TTLL8: variants seen among roughly 807,000 people sequenced by gnomAD.
TTLL8 encodes tubulin tyrosine ligase like 8, also known as protein monoglycylase TTLL8.
A neutral mutation model predicts 77.8 loss-of-function variants in TTLL8; 65 were observed. The ratio of observed to expected loss-of-function variants is 0.84; its 90% confidence interval spans 0.68 to 1.03. The LOEUF is 1.03. Among genes scored for constraint, TTLL8 ranks in the 50% least tolerant of loss-of-function variants. TTLL8 has a pLI of 0.00. For synonymous variants in TTLL8, 402 were observed against 422.8 expected, an observed-to-expected ratio of 0.95 and a Z score of 0.60; for missense variants, 910 against 1,004.5, an observed-to-expected ratio of 0.91 and a Z score of 1.27.
At chr22:50,040,254 T>C (rs934703768) in intron 8 of TTLL8, among the ~76,000 whole-genome samples, 6 of 141,870 alleles carry the variant, frequency 4.2e-5, no homozygotes, top group African/African-American at 1.3e-4. Context: ...GCAGACCTCA[T>C]GGATCCCACA....
In TTLL8 at chr22:50,030,406, C is replaced by T. The variant is rs752737805; in HGVS notation, c.2203+24G>A. ...CAGCAGGCGGCCCCCAAGCCCACAGCGCACCGCCGGCGGCGCAGGTTACCT... is the reference window on the plus strand; with the variant it reads ...CAGCAGGCGGCCCCCAAGCCCACAGTGCACCGCCGGCGGCGCAGGTTACCT... On this transcript the variant is annotated intron_variant, in intron 12 of 13. Transcript: ENST00000266182. The T allele has an allele frequency of 5.4e-6, 7 of 1,297,394 alleles. No homozygotes were observed. In the African/African-American group the frequency reaches 7.7e-5, roughly 14 times the overall value. The allele number at this position is 1,297,394 out of a possible 1,614,324, so 80.4% of individuals were successfully genotyped here.
chr22:50,020,349 C>CACA (rs2061187519), intron 12 of TTLL8, among the ~76,000 whole-genome samples: 1 of 144,646 alleles, frequency 6.9e-6, no homozygotes, highest in African/African-American at 2.6e-5. Context: ...ATCTAACGTG[C>CACA]CCTCCTCCAT....
In TTLL8 at chr22:50,046,026, G is replaced by A. The variant is rs548787326; in HGVS notation, c.394-56C>T. ...GGGCAGCTCAGCTCAGCTCTGCCTCGCTCACAAGGCGAGGACGGGCCGTCC... is the reference window on the plus strand; with the variant it reads ...GGGCAGCTCAGCTCAGCTCTGCCTCACTCACAAGGCGAGGACGGGCCGTCC... On this transcript the variant is annotated intron_variant, in intron 4 of 13. Coordinates refer to ENST00000266182, the Ensembl canonical transcript of TTLL8. The A allele has an allele frequency of 1.9e-5, 24 of 1,294,598 alleles. 1 individual carries two copies. The highest frequency in any genetic ancestry group is 1.4e-4 in the South Asian group (11 of 81,124). 80.2% of individuals were successfully genotyped at this position (1,294,598 alleles called of 1,614,324 possible).
At chr22:50,045,532 A>G (rs2146684223) in intron 5 of TTLL8, 143 bp from the exon 8 acceptor site, 1 of 710,902 alleles carries the variant, frequency 1.4e-6, no homozygotes, top group South Asian at 1.6e-5. Flanking sequence ...CCACACCCCC[A>G]GTCTGCCTGC....
chr22:50,047,391 G>A (rs542835400), intron 3 of TTLL8, 95 bp from the exon 6 acceptor site: 21 of 1,084,052 alleles, frequency 1.9e-5, no homozygotes, highest in South Asian at 1.2e-4. Context: ...GACAAATGGC[G>A]TGCAGCGTGA....
intron 3 of TTLL8, among the ~76,000 whole-genome samples, chr22:50,048,761 T>C (rs1384305607): frequency 6.6e-6 from 1 of 152,264 alleles, no homozygotes; most frequent in Non-Finnish European, 1.5e-5. Context: ...TTTTAAGTAC[T>C]GCAAATGCCG....
intron 12 of TTLL8, among the ~76,000 whole-genome samples, chr22:50,025,948 A>G (rs2061227594): frequency 6.6e-6 from 1 of 152,210 alleles, no homozygotes; most frequent in South Asian, 2.1e-4. Flanking sequence ...GCAAAACGCC[A>G]CAACCATATT....
At chr22:50,027,652 C>T (rs563492483) in intron 12 of TTLL8, 3 of 985,454 alleles carry the variant, frequency 3.0e-6, no homozygotes, top group Admixed American at 6.1e-5. Flanking sequence ...GGCCAGCACG[C>T]ACTTCCTGTC....
At chr22:50,028,477 C>T (rs374184215) in intron 12 of TTLL8, among the ~76,000 whole-genome samples, 2 of 152,172 alleles carry the variant, frequency 1.3e-5, no homozygotes, top group Non-Finnish European at 2.9e-5. Flanking sequence ...GGAGGAACTT[C>T]GCCTCCCGTG....
rs564370528 is a variant in TTLL8 at position 50,053,959 on chromosome 22, G to A, written c.51+617C>T. 6.0e-5 allele frequency among the ~76,000 whole-genome samples: 9 copies of A among 149,974 alleles called. 1 individual carries two copies. Among genetic ancestry groups the A allele is most frequent in the Middle Eastern group, 3.4e-3 (1 of 290 alleles). The stretch of plus-strand genomic sequence containing the variant: ...CATATTTGTACACGTTCTGCTCTCC[G>A]TCCGGGTGTGTCCGGCCTTAACATC... On this transcript the variant is annotated intron_variant, in intron 1 of 13. Transcript: ENST00000266182.
intron 3 of TTLL8, 157 bp downstream of exon 5, chr22:50,049,092 C>A (rs1252917417): frequency 1.0e-6 from 1 of 961,564 alleles, no homozygotes; most frequent in African/African-American, 1.8e-5. Flanking sequence ...GGCAGCCAGG[C>A]CCTGCTGCCC....
intron 2 of TTLL8, among the ~76,000 whole-genome samples, chr22:50,049,629 G>A (rs560205301): frequency 4.9e-4 from 75 of 152,340 alleles, no homozygotes; most frequent in South Asian, 1.2e-3. Context: ...GAGACAGCCC[G>A]GGATGGGGGT....
chr22:50,033,010 C>A, intron 10 of TTLL8, 192 bp downstream of exon 11: 1 of 419,642 alleles, frequency 2.4e-6, no homozygotes, highest in Non-Finnish European at 3.2e-6. Flanking sequence ...CTTTGAAGGC[C>A]GGTGGGCCTG....
exon 6 of TTLL8, chr22:50,045,324 TGCTGCAGCTCTGGTG>T: frequency 7.3e-7 from 1 of 1,365,386 alleles, no homozygotes; most frequent in Non-Finnish European, 9.8e-7. Flanking sequence ...CTGCTGCTCC[TGCTGCAGCTCTGGTG>T]GCTGACCACC....
intron 1 of TTLL8, among the ~76,000 whole-genome samples, chr22:50,053,004 C>T (rs2061451959): frequency 6.6e-6 from 1 of 152,084 alleles, no homozygotes; most frequent in Non-Finnish European, 1.5e-5. Flanking sequence ...GGTGGATCAC[C>T]TGAGGTCAGG....
intron 3 of TTLL8, 172 bp downstream of exon 5, chr22:50,049,077 C>A: frequency 2.2e-6 from 2 of 912,898 alleles, no homozygotes; most frequent in Non-Finnish European, 1.3e-6. Context: ...CGCCCCACCC[C>A]TGGGGGCAGC....
At position 50,035,952 on chromosome 22, in the gene TTLL8, G is replaced by A. The variant is rs141498189; in HGVS notation, c.922-1490C>T. ...GCGCCACTGTGTTGCCCCTGCTTTG[G>A]GGGGAGAAGGCTGTGAGCAGTGAGG... On this transcript the variant is annotated intron_variant, in intron 8 of 13. Transcript: ENST00000266182. Among the ~76,000 whole-genome samples, 16 of 152,346 alleles carry A rather than the reference G, an allele frequency of 1.1e-4. No individual in the cohort carries two copies. The South Asian group carries it at 3.3e-3, about 32-fold the overall frequency.
Position 50,041,366 on chromosome 22 carries a change from C to A in TTLL8, c.831-89G>T, listed in dbSNP as rs1241997069. 5.6e-6 allele frequency: 4 copies of A among 713,844 alleles called. No homozygotes were observed. Among genetic ancestry groups the A allele is most frequent in the Non-Finnish European group, 8.8e-6 (4 of 453,944 alleles). The allele number at this position is 713,844 out of a possible 1,614,324, so 44.2% of individuals were successfully genotyped here. A position where few individuals can be genotyped will look rare whatever the true frequency, so the allele number is the denominator to read the frequency against. On this transcript the variant is annotated intron_variant, in intron 7 of 13. Coordinates refer to ENST00000266182, the Ensembl canonical transcript of TTLL8. This position sits in a 1 kb window ranked among gnomAD's most constrained non-coding sequence, Gnocchi z 4.3. ...GGGCACCCCGACACCCATAAGGCAC[C>A]CCAAGATCCAGACAGACACCCCAAT...
At position 50,037,768 on chromosome 22, in the gene TTLL8, C is replaced by T. The variant is rs5771314; in HGVS notation, c.922-3306G>A. Reference sequence around the variant, plus strand: ...AATATCACATCTTAACTATTGTAAACCTAGAGTAAGTCTTGAAATTTGGAG... The same window carrying T: ...AATATCACATCTTAACTATTGTAAATCTAGAGTAAGTCTTGAAATTTGGAG... On this transcript the variant is annotated intron_variant, in intron 8 of 13. Coordinates refer to ENST00000266182, the Ensembl canonical transcript of TTLL8. Among the ~76,000 whole-genome samples the T allele has an allele frequency of 1.2e-4, 19 of 152,250 alleles. No individual in the cohort carries two copies. The East Asian group carries it at 3.7e-3, about 29-fold the overall frequency.
Sources: gnomAD v4.1 joint callset for allele counts (sites outside exome capture counted in the v4.1 genomes callset) on GRCh38, gnomAD v4.1.1 for gene constraint, Gnocchi (gnomAD v3.1) non-coding constraint, MANE v1.5 for transcripts, NCBI Gene and HGNC (gene_info 2026-07-23, HGNC 2026-07-21) for gene names.